SDK2: variants seen among roughly 807,000 people sequenced by gnomAD.
SDK2 encodes protein sidekick-2.
SDK2 carries 105 observed loss-of-function variants against 253.9 expected under a neutral mutation model. The ratio of observed to expected loss-of-function variants is 0.41; its 90% CI spans 0.35 to 0.49. SDK2 has a LOEUF of 0.49. Ranked by LOEUF, SDK2 falls within the 20% of genes least tolerant of loss-of-function variation. The probability of loss-of-function intolerance (pLI) is 0.06; values close to 1 mark genes in which losing one functional copy is unlikely to be tolerated. For synonymous variants in SDK2, 1,249 were observed against 1,234.9 expected (o/e 1.01, Z -0.24); for missense variants, 2,608 against 3,003.0 (o/e 0.87, Z 3.07).
At chr17:73,354,892 C>T (rs2062573441) in intron 40 of SDK2, among the ~76,000 whole-genome samples, 2 of 152,090 alleles carry the variant, frequency 1.3e-5, no homozygotes, top group African/African-American at 4.8e-5. Context: ...GTTTTCCTCA[C>T]CATACTTTCT....
rs2279732 is a variant in SDK2 at position 73,361,671 on chromosome 17, G to A, written c.5467+13C>T. The A allele has an allele frequency of 0.39, 622,875 of 1,605,602 alleles. 126,192 individuals carry two copies. Among genetic ancestry groups the A allele is most frequent in the Admixed American group, 0.47 (27,886 of 59,792 alleles). Reference sequence around the variant, plus strand: ...GCCGTGTGGAAGACATGCCTGGTCCGTTGCTCTCCTACCTTCTCCGGGGCC... The same window carrying A: ...GCCGTGTGGAAGACATGCCTGGTCCATTGCTCTCCTACCTTCTCCGGGGCC... On this transcript the variant is annotated intron_variant, in intron 39 of 44. Coordinates refer to ENST00000392650, the MANE Select transcript of SDK2 (RefSeq NM_001144952.2). The surrounding 1 kb of genome is among the most constrained non-coding windows in gnomAD (Gnocchi z 4.1).
At chr17:73,640,404 C>T (rs1026050356) in intron 1 of SDK2, among the ~76,000 whole-genome samples, 1 of 152,042 alleles carries the variant, frequency 6.6e-6, no homozygotes, top group Non-Finnish European at 1.5e-5. Flanking sequence ...AGCTGTATCC[C>T]TCATCTAACC....
intron 12 of SDK2, among the ~76,000 whole-genome samples, chr17:73,427,068 G>A (rs1308763670): frequency 3.3e-5 from 5 of 152,034 alleles, no homozygotes; most frequent in Non-Finnish European, 5.9e-5. Flanking sequence ...CTGGGTGACA[G>A]AGCGAGACTC....
At chr17:73,544,075 G>A (rs1225862388) in intron 1 of SDK2, among the ~76,000 whole-genome samples, 2 of 152,246 alleles carry the variant, frequency 1.3e-5, no homozygotes, top group Non-Finnish European at 2.9e-5. Flanking sequence ...GTTTCACGTG[G>A]CCAAAAGTCA....
intron 1 of SDK2, among the ~76,000 whole-genome samples, chr17:73,538,171 C>T (rs2044810436): frequency 1.3e-5 from 2 of 152,212 alleles, no homozygotes; most frequent in South Asian, 4.1e-4. Context: ...ACTCAGAAGC[C>T]AGACAGACTG....
At chr17:73,560,308 C>T (rs1017517345) in intron 1 of SDK2, among the ~76,000 whole-genome samples, 5 of 152,204 alleles carry the variant, frequency 3.3e-5, no homozygotes, top group African/African-American at 7.2e-5. Flanking sequence ...GGCTGCTCTG[C>T]ACCCGACCGT....
intron 1 of SDK2, among the ~76,000 whole-genome samples, chr17:73,557,387 C>T (rs2045160622): frequency 6.6e-6 from 1 of 152,006 alleles, no homozygotes; most frequent in African/African-American, 2.4e-5. Context: ...ACTGCAACCT[C>T]CACCTCCTGG....
chr17:73,512,920 T>C (rs1372540724), intron 1 of SDK2, among the ~76,000 whole-genome samples: 2 of 152,112 alleles, frequency 1.3e-5, no homozygotes, highest in African/African-American at 4.8e-5. Context: ...AAAATAAAGA[T>C]GAATCTCTTT....
chr17:73,593,659 G>A (rs1454459158), intron 1 of SDK2, among the ~76,000 whole-genome samples: 1 of 152,224 alleles, frequency 6.6e-6, no homozygotes, highest in Non-Finnish European at 1.5e-5. Context: ...CATGTTTACT[G>A]ATCAGATTTG....
chr17:73,367,920 G>A (rs1452854670), intron 37 of SDK2, among the ~76,000 whole-genome samples: 3 of 152,252 alleles, frequency 2.0e-5, no homozygotes, highest in South Asian at 2.1e-4. Flanking sequence ...GCTGACCCCC[G>A]TCTGCATTTA....
chr17:73,421,386 C>T (rs537985327), intron 15 of SDK2, among the ~76,000 whole-genome samples: 1 of 152,248 alleles, frequency 6.6e-6, no homozygotes, highest in African/African-American at 2.4e-5. Context: ...TTCAAAGAGC[C>T]AAGTGCAAGG....
chr17:73,615,144 C>G (rs1161378565), intron 1 of SDK2, among the ~76,000 whole-genome samples: 2 of 152,172 alleles, frequency 1.3e-5, no homozygotes, highest in Non-Finnish European at 2.9e-5. Flanking sequence ...GTGCCTGACA[C>G]ACAATGAGTA....
rs1204348021 is a variant in SDK2 at position 73,399,147 on chromosome 17, C to T, written c.3093+21G>A. On this transcript the variant is annotated intron_variant, in intron 22 of 44. Transcript: ENST00000392650. ...GGGTGCCCTGGCGGGGGCTGCTGGT[C>T]AGGCCCCAGGCCTGCCCTACCTGGG... 5.0e-6 allele frequency: 8 copies of T among 1,612,220 alleles called. No individual in the cohort carries two copies. In the Admixed American group the frequency reaches 1.3e-4, roughly 27 times the overall value.
At chr17:73,377,153 G>A (rs2062788926) in intron 36 of SDK2, among the ~76,000 whole-genome samples, 1 of 151,406 alleles carries the variant, frequency 6.6e-6, no homozygotes, top group South Asian at 2.1e-4. Context: ...TGGTGCGGGA[G>A]GCAGACACAG....
rs115311941 is a variant in SDK2, at chr17:73,384,919, T to C, written c.4570-908A>G. ...TCCCCGGCTGCCATGGGCACCTCCC[T>C]GCCCCCTCCCTCTGCCACGTTGCTC... On this transcript the variant is annotated intron_variant, in intron 32 of 44. Transcript: ENST00000392650. 9.1e-3 allele frequency among the ~76,000 whole-genome samples: 1,393 copies of C among 152,340 alleles called. 37 individuals are homozygous for C. Among genetic ancestry groups the C allele is most frequent in the East Asian group, 0.087 (450 of 5,184 alleles).
chr17:73,374,468 G>C (rs2062760773), intron 36 of SDK2, among the ~76,000 whole-genome samples: 1 of 138,000 alleles, frequency 7.2e-6, no homozygotes, highest in South Asian at 2.5e-4. Flanking sequence ...CGATTTGTCG[G>C]TAATTTTTTT....
intron 1 of SDK2, among the ~76,000 whole-genome samples, chr17:73,535,312 C>G (rs548715492): frequency 1.3e-5 from 2 of 152,312 alleles, no homozygotes; most frequent in East Asian, 3.9e-4. Flanking sequence ...CGCTGCATAA[C>G]TTCTCTGAGC....
At chr17:73,345,671 T>C (rs2062476949) in intron 44 of SDK2, among the ~76,000 whole-genome samples, 1 of 152,050 alleles carries the variant, frequency 6.6e-6, no homozygotes, top group Admixed American at 6.6e-5. Flanking sequence ...GCAGGGCAGA[T>C]GTCAATAGGG....
Position 73,361,775 on chromosome 17 carries a change from C to T in SDK2, c.5376G>A (p.Ala1792=), listed in dbSNP as rs201069071. 62 of 1,612,600 alleles carry T rather than the reference C, an allele frequency of 3.8e-5. No individual in the cohort carries two copies. In the South Asian group the frequency reaches 5.6e-4, roughly 15 times the overall value. ...TGCGGAACCTGTAGGTCACCCCCTC[C>T]GCCAGGTCCTTCACCTTCAGCCACA... ...SPLWLKVKDL[A]EGVTYRFRIR... The change falls in exon 39 of 45, where the codon GCG becomes GCA. Residue 1792 remains alanine, a synonymous_variant. Transcript: ENST00000392650. This position sits in a 1 kb window ranked among gnomAD's most constrained non-coding sequence, Gnocchi z 4.1.
Sources: gnomAD v4.1 joint callset for allele counts (sites outside exome capture counted in the v4.1 genomes callset) on GRCh38, gnomAD v4.1.1 for gene constraint, Gnocchi (gnomAD v3.1) non-coding constraint, MANE v1.5 for transcripts, NCBI Gene and HGNC (gene_info 2026-07-23, HGNC 2026-07-21) for gene names.